Variants in PAM observed in about 807,000 individuals in gnomAD.
PAM encodes peptidylglycine alpha-amidating monooxygenase.
A neutral mutation model predicts 122.1 loss-of-function variants in PAM; 72 were observed. The ratio of observed to expected loss-of-function variants is 0.59; its 90% CI spans 0.49 to 0.72. The LOEUF is 0.72. Among genes scored for constraint, PAM ranks in the 30% least tolerant of loss-of-function variants. The probability of loss-of-function intolerance (pLI) is 0.00; values close to 1 mark genes in which losing one functional copy is unlikely to be tolerated. For missense variants in PAM, 1,106 were observed against 1,183.7 expected, an observed-to-expected ratio of 0.93 and a Z score of 0.96; for synonymous variants, 389 against 404.4, an observed-to-expected ratio of 0.96 and a Z score of 0.46.
chr5:102,823,175 C>T (rs1561542091), intron 1 of PAM, among the ~76,000 whole-genome samples: 2 of 152,120 alleles, frequency 1.3e-5, no homozygotes, highest in Non-Finnish European at 2.9e-5. Flanking sequence ...GTCTTAGTCT[C>T]AGGCTTTAGC....
upstream of PAM, chr5:102,754,854 G>A (rs1749661244): frequency 6.6e-6 from 1 of 152,290 alleles, no homozygotes; most frequent in African/African-American, 2.4e-5. Flanking sequence ...CACGAGACTC[G>A]GGAGGGTCAG....
chr5:102,951,464 G>A (rs950339564), intron 12 of PAM, among the ~76,000 whole-genome samples: 2 of 151,978 alleles, frequency 1.3e-5, no homozygotes, highest in Non-Finnish European at 2.9e-5. Context: ...TGATAGAAAA[G>A]AATCAAGGAG....
intron 1 of PAM, among the ~76,000 whole-genome samples, chr5:102,853,376 GCT>G (rs1781793811): frequency 6.6e-6 from 1 of 152,034 alleles, no homozygotes; most frequent in Admixed American, 6.6e-5. Flanking sequence ...TGGGTTTTTA[GCT>G]CTGTTTTTTC....
At chr5:102,866,883 A>G (rs1785743322) in intron 2 of PAM, among the ~76,000 whole-genome samples, 1 of 152,218 alleles carries the variant, frequency 6.6e-6, no homozygotes, top group Non-Finnish European at 1.5e-5. Context: ...TTCTGCCATT[A>G]GAAAATTGGC....
At chr5:103,005,872 C>G (rs970472007) in intron 18 of PAM, among the ~76,000 whole-genome samples, 2 of 152,162 alleles carry the variant, frequency 1.3e-5, no homozygotes, top group South Asian at 4.1e-4. Context: ...ATTTTCTTAA[C>G]TGTCTGTATT....
At chr5:102,815,639 AAAT>A (rs1201962898) in intron 1 of PAM, among the ~76,000 whole-genome samples, 3 of 152,162 alleles carry the variant, frequency 2.0e-5, no homozygotes, top group Admixed American at 6.6e-5. Context: ...TGTGCTTCCT[AAAT>A]GAAACCTAAA....
intron 1 of PAM, among the ~76,000 whole-genome samples, chr5:102,824,635 A>G (rs534701945): frequency 1.3e-5 from 2 of 152,336 alleles, no homozygotes; most frequent in South Asian, 2.1e-4. Context: ...CTGTTTTGCT[A>G]TAACCACTCT....
intron 7 of PAM, among the ~76,000 whole-genome samples, chr5:102,930,842 T>G (rs1751259471): frequency 6.6e-6 from 1 of 152,224 alleles, no homozygotes; most frequent in African/African-American, 2.4e-5. Flanking sequence ...CTTTTAAATT[T>G]TCTAAAACTT....
At chr5:102,988,588 AGAAGG>A (rs1242613635) in intron 15 of PAM, among the ~76,000 whole-genome samples, 2 of 151,842 alleles carry the variant, frequency 1.3e-5, no homozygotes, top group African/African-American at 4.8e-5. Context: ...CAGAAAAAAA[AGAAGG>A]AAAGGAAAGG....
At chr5:102,756,740 G>A (rs1299367832) in intron 1 of PAM, among the ~76,000 whole-genome samples, 1 of 151,936 alleles carries the variant, frequency 6.6e-6, no homozygotes, top group Non-Finnish European at 1.5e-5. Context: ...CTCCAGCCTC[G>A]GTGACAGAGC....
intron 13 of PAM, among the ~76,000 whole-genome samples, chr5:102,960,739 G>C (rs1762235270): frequency 6.6e-6 from 1 of 151,652 alleles, no homozygotes; most frequent in South Asian, 2.1e-4. Flanking sequence ...CTTTCTAGTG[G>C]AAATTTTATG....
chr5:102,930,139 T>G (rs183083819), intron 7 of PAM, among the ~76,000 whole-genome samples: 27 of 152,306 alleles, frequency 1.8e-4, no homozygotes, highest in Admixed American at 1.6e-3. Context: ...TGTAAAATAA[T>G]CCTTCAAAAA....
intron 4 of PAM, among the ~76,000 whole-genome samples, chr5:102,906,214 AAATT>A (rs1048917293): frequency 6.6e-6 from 1 of 151,670 alleles, no homozygotes; most frequent in African/African-American, 2.4e-5. Flanking sequence ...TGATCACCAA[AAATT>A]AATTGACATG....
chr5:102,959,797 TA>T, intron 12 of PAM, 77 bp from the exon 13 acceptor site: 1 of 910,902 alleles, frequency 1.1e-6, no homozygotes, highest in Non-Finnish European at 1.8e-6. Context: ...CTGGCAGATC[TA>T]AGGGCTTCAT....
intron 21 of PAM, among the ~76,000 whole-genome samples, chr5:103,010,323 T>C (rs1780239112): frequency 6.6e-6 from 1 of 152,204 alleles, no homozygotes; most frequent in Non-Finnish European, 1.5e-5. Flanking sequence ...GACTTGAAAA[T>C]AGCACTTCCT....
chr5:103,005,509 G>A (rs1240615154), intron 18 of PAM, among the ~76,000 whole-genome samples: 2 of 152,084 alleles, frequency 1.3e-5, no homozygotes, highest in Non-Finnish European at 2.9e-5. Context: ...CCCTCTTCTG[G>A]GTTATAGGCT....
At chr5:102,894,772 A>G (rs1028045055) in intron 3 of PAM, among the ~76,000 whole-genome samples, 2 of 151,736 alleles carry the variant, frequency 1.3e-5, no homozygotes, top group Admixed American at 6.6e-5. Context: ...ACATTCAGTT[A>G]TGCAAGCCAG....
intron 1 of PAM, among the ~76,000 whole-genome samples, chr5:102,800,382 T>G (rs928130811): frequency 6.6e-6 from 1 of 152,202 alleles, no homozygotes; most frequent in Non-Finnish European, 1.5e-5. Flanking sequence ...AAATTGTAAT[T>G]TATTTCTTTA....
chr5:102,964,363 C>T (rs1560040), intron 14 of PAM, among the ~76,000 whole-genome samples: 1 of 151,582 alleles, frequency 6.6e-6, no homozygotes, highest in East Asian at 1.9e-4. Flanking sequence ...AACCTTTCAC[C>T]ATATCTTTGT....
Sources: allele counts gnomAD v4.1 joint callset (sites outside exome capture counted in the v4.1 genomes callset), GRCh38; gene constraint gnomAD v4.1.1; transcripts MANE v1.5; gene names NCBI Gene and HGNC (gene_info 2026-07-23, HGNC 2026-07-21).